TOP6BL: variants seen among roughly 807,000 people sequenced by gnomAD.
The protein encoded by TOP6BL is type 2 DNA topoisomerase 6 subunit B-like.
chr11:66,799,936 C>T, the TOP6BL span, among the ~76,000 whole-genome samples: 8 of 151,754 alleles, frequency 5.3e-5, no homozygotes, highest in African/African-American at 1.9e-4. Context: ...CAAAAAGTAG[C>T]TGGGTGTAGT....
At chr11:66,783,877 G>A in the TOP6BL span, among the ~76,000 whole-genome samples, 1 of 152,276 alleles carries the variant, frequency 6.6e-6, no homozygotes, top group South Asian at 2.1e-4. Flanking sequence ...CCAGGCAGGA[G>A]TGCAGTGGCG....
chr11:66,770,471 A>T, the TOP6BL span, among the ~76,000 whole-genome samples: 1 of 152,136 alleles, frequency 6.6e-6, no homozygotes. Context: ...TGGGAGGCTG[A>T]GGTGGGAGGA....
the TOP6BL span, among the ~76,000 whole-genome samples, chr11:66,804,840 G>A: frequency 6.6e-6 from 1 of 152,198 alleles, no homozygotes; most frequent in Admixed American, 6.5e-5. Context: ...GGGAGGCTGA[G>A]GCGGATGGAT....
chr11:66,822,843 G>A, the TOP6BL span, among the ~76,000 whole-genome samples: 1 of 151,780 alleles, frequency 6.6e-6, no homozygotes, highest in Non-Finnish European at 1.5e-5. Flanking sequence ...GTCTCTACAA[G>A]TAATTAAAAA....
the TOP6BL span, among the ~76,000 whole-genome samples, chr11:66,838,045 A>T: frequency 6.6e-6 from 1 of 152,224 alleles, no homozygotes; most frequent in Non-Finnish European, 1.5e-5. Flanking sequence ...GAAAATGGAC[A>T]TTTGCACATT....
the TOP6BL span, among the ~76,000 whole-genome samples, chr11:66,773,600 A>G: frequency 6.6e-6 from 1 of 151,920 alleles, no homozygotes; most frequent in Non-Finnish European, 1.5e-5. Context: ...TCATTCATTT[A>G]CACTCTGATC....
chr11:66,829,683 T>G, the TOP6BL span, among the ~76,000 whole-genome samples: 1 of 149,888 alleles, frequency 6.7e-6, no homozygotes, highest in Admixed American at 6.6e-5. Context: ...ACCCCAGGAG[T>G]TCAAGACCAG....
At chr11:66,787,942 GAA>G in the TOP6BL span, among the ~76,000 whole-genome samples, 1 of 152,150 alleles carries the variant, frequency 6.6e-6, no homozygotes, top group Non-Finnish European at 1.5e-5. Flanking sequence ...GTAAAAAATT[GAA>G]AAGATGAGGT....
At chr11:66,768,647 TA>T in the TOP6BL span, among the ~76,000 whole-genome samples, 202 of 151,662 alleles carry the variant, frequency 1.3e-3, no homozygotes, top group Non-Finnish European at 2.3e-3. Flanking sequence ...CAAGACACGC[TA>T]AAACAGATTT....
chr11:66,816,887 CTCATGCCTGTAATCTCAGCACTTT>C, the TOP6BL span, among the ~76,000 whole-genome samples: 8 of 152,148 alleles, frequency 5.3e-5, no homozygotes, highest in African/African-American at 1.9e-4. Context: ...GGTGCGGTGG[CTCATGCCTGTAATCTCAGCACTTT>C]GGGAGGTTGA....
chr11:66,812,361 A>G, the TOP6BL span, among the ~76,000 whole-genome samples: 1 of 152,064 alleles, frequency 6.6e-6, no homozygotes, highest in African/African-American at 2.4e-5. Context: ...TATTTTTAGT[A>G]GAGACGGGGT....
chr11:66,824,129 A>C, the TOP6BL span, among the ~76,000 whole-genome samples: 1 of 152,194 alleles, frequency 6.6e-6, no homozygotes, highest in East Asian at 1.9e-4. Context: ...ATATATCCCC[A>C]AAATTCATAT....
the TOP6BL span, among the ~76,000 whole-genome samples, chr11:66,753,247 T>G: frequency 6.6e-6 from 1 of 152,182 alleles, no homozygotes; most frequent in African/African-American, 2.4e-5. Flanking sequence ...TGTTTTATGC[T>G]ATCTCTGTCT....
At chr11:66,747,297 T>C in the TOP6BL span, among the ~76,000 whole-genome samples, 1 of 152,330 alleles carries the variant, frequency 6.6e-6, no homozygotes, top group South Asian at 2.1e-4. Flanking sequence ...GTGTGTAGTC[T>C]TTACTGCATT....
chr11:66,756,839 A>C, the TOP6BL span, among the ~76,000 whole-genome samples: 1 of 152,000 alleles, frequency 6.6e-6, no homozygotes, highest in African/African-American at 2.4e-5. Flanking sequence ...AGCCTCCTGA[A>C]TAGCTGGACT....
chr11:66,801,284 G>C, the TOP6BL span: 1 of 615,042 alleles, frequency 1.6e-6, no homozygotes, highest in Non-Finnish European at 2.8e-6. Context: ...AGTTATTTAT[G>C]TATTTGAATC....
chr11:66,759,111 A>G, the TOP6BL span: 1 of 1,489,200 alleles, frequency 6.7e-7, no homozygotes, highest in Admixed American at 1.9e-5. Context: ...AGAATTACCT[A>G]ACTTCCATGA....
At chr11:66,762,222 C>G in the TOP6BL span, 1 of 618,192 alleles carries the variant, frequency 1.6e-6, no homozygotes, top group African/African-American at 1.8e-5. Context: ...GCAGGGCCCG[C>G]GAGGCCGCAG....
chr11:66,761,068 A>G, the TOP6BL span, among the ~76,000 whole-genome samples: 1 of 151,642 alleles, frequency 6.6e-6, no homozygotes, highest in African/African-American at 2.4e-5. Flanking sequence ...GAAATAATAG[A>G]TTTGTATAGA....
Sources: allele counts gnomAD v4.1 joint callset (sites outside exome capture counted in the v4.1 genomes callset), GRCh38; gene constraint gnomAD v4.1.1; transcripts MANE v1.5; gene names NCBI Gene and HGNC (gene_info 2026-07-23, HGNC 2026-07-21).